Variants in CNTNAP5 observed in about 807,000 individuals in gnomAD.
The protein encoded by CNTNAP5 is contactin-associated protein-like 5.
In CNTNAP5, 72 loss-of-function variants were observed where a neutral mutation model predicts 150.2. The observed-to-expected ratio is 0.48, with a 90% CI of 0.40 to 0.58. CNTNAP5 has a LOEUF of 0.58. Among genes scored for constraint, CNTNAP5 ranks in the 20% least tolerant of loss-of-function variants. The pLI is 0.00. For missense variants in CNTNAP5, 1,636 were observed against 1,626.2 expected, an observed-to-expected ratio of 1.01 and a Z score of -0.10; for synonymous variants, 672 against 619.8, an observed-to-expected ratio of 1.08 and a Z score of -1.25.
chr2:124,184,464 G>A (rs1246009731), intron 1 of CNTNAP5, among the ~76,000 whole-genome samples: 2 of 151,960 alleles, frequency 1.3e-5, no homozygotes, highest in Non-Finnish European at 2.9e-5. Context: ...ATCTTGCATG[G>A]GACATATTTA....
chr2:124,717,592 G>C (rs148687878), intron 13 of CNTNAP5, among the ~76,000 whole-genome samples: 1 of 152,166 alleles, frequency 6.6e-6, no homozygotes, highest in East Asian at 1.9e-4. Context: ...CTCCGATTTA[G>C]TCCATGTGAC....
At chr2:124,069,540 C>T (rs1326828953) in intron 1 of CNTNAP5, among the ~76,000 whole-genome samples, 1 of 151,882 alleles carries the variant, frequency 6.6e-6, no homozygotes, top group Non-Finnish European at 1.5e-5. Context: ...CAAGTGAGAC[C>T]CAGTGCTGTG....
intron 7 of CNTNAP5, among the ~76,000 whole-genome samples, chr2:124,498,509 C>T (rs895260895): frequency 4.6e-5 from 7 of 152,126 alleles, no homozygotes; most frequent in South Asian, 2.1e-4. Flanking sequence ...ATCATGTTGC[C>T]GAGGCAGATC....
intron 18 of CNTNAP5, among the ~76,000 whole-genome samples, chr2:124,791,122 G>C (rs10198988): frequency 6.6e-6 from 1 of 152,078 alleles, no homozygotes; most frequent in South Asian, 2.1e-4. Context: ...GCATATCTTC[G>C]AAGCACCTTT....
rs567735489 is a variant in CNTNAP5, at chr2:124,470,759, G to A, written c.919-3980G>A. On this transcript the variant is annotated intron_variant, in intron 6 of 23. Transcript: ENST00000682447. ...TGATTTTTGTATGTGGTATAAGGAG[G>A]GGGTCCAATTTCAATTTTCTGCATA... Among the ~76,000 whole-genome samples, 61 of 152,128 alleles carry A rather than the reference G, an allele frequency of 4.0e-4. No homozygotes were observed. In the Middle Eastern group the frequency reaches 0.014, roughly 34 times the overall value.
At chr2:124,500,992 A>G (rs559118357) in intron 7 of CNTNAP5, among the ~76,000 whole-genome samples, 1 of 152,214 alleles carries the variant, frequency 6.6e-6, no homozygotes, top group African/African-American at 2.4e-5. Context: ...CTCAGACCCC[A>G]AGGATTTCCT....
chr2:124,569,709 C>T (rs1485656737), intron 11 of CNTNAP5, among the ~76,000 whole-genome samples: 4 of 152,278 alleles, frequency 2.6e-5, no homozygotes, highest in African/African-American at 7.2e-5. Context: ...TAACAATGCC[C>T]TTTAGCTCAT....
chr2:124,523,493 T>C (rs1694896165), intron 8 of CNTNAP5, among the ~76,000 whole-genome samples: 1 of 152,156 alleles, frequency 6.6e-6, no homozygotes, highest in South Asian at 2.1e-4. Flanking sequence ...TGAAACCTCA[T>C]GACTAGTTCC....
intron 18 of CNTNAP5, among the ~76,000 whole-genome samples, chr2:124,791,000 A>C (rs1681714820): frequency 6.6e-6 from 1 of 152,260 alleles, no homozygotes; most frequent in Admixed American, 6.5e-5. Context: ...TGTAAACAAT[A>C]TTTTAAGAGC....
chr2:124,380,773 G>A (rs1234385813), intron 3 of CNTNAP5, among the ~76,000 whole-genome samples: 1 of 152,178 alleles, frequency 6.6e-6, no homozygotes, highest in African/African-American at 2.4e-5. Flanking sequence ...GCAAGGCACT[G>A]TTTTAGACTC....
intron 14 of CNTNAP5, among the ~76,000 whole-genome samples, chr2:124,750,124 A>G (rs1186664640): frequency 2.0e-5 from 3 of 151,820 alleles, no homozygotes; most frequent in Admixed American, 6.6e-5. Context: ...GACCCTTTCC[A>G]TTTCCTTTAG....
At chr2:124,226,681 C>G (rs933786238) in intron 2 of CNTNAP5, among the ~76,000 whole-genome samples, 1 of 151,952 alleles carries the variant, frequency 6.6e-6, no homozygotes, top group Non-Finnish European at 1.5e-5. Context: ...GTTTCTTATA[C>G]AAGAATAGCT....
intron 19 of CNTNAP5, among the ~76,000 whole-genome samples, chr2:124,845,039 C>T (rs972704864): frequency 1.3e-5 from 2 of 152,046 alleles, no homozygotes; most frequent in Non-Finnish European, 2.9e-5. Flanking sequence ...TAAAAGTGGG[C>T]ATCCTTGTCT....
At chr2:124,647,645 G>A (rs1233003019) in intron 12 of CNTNAP5, 113 bp from the exon 13 acceptor site, 1 of 919,318 alleles carries the variant, frequency 1.1e-6, no homozygotes, top group Non-Finnish European at 1.6e-6. Flanking sequence ...TCTCCATACG[G>A]TACCGGAGTG....
chr2:124,662,055 T>C (rs935384889), intron 13 of CNTNAP5, among the ~76,000 whole-genome samples: 1 of 152,094 alleles, frequency 6.6e-6, no homozygotes, highest in Non-Finnish European at 1.5e-5. Context: ...CCTGTGTCCA[T>C]GTGTTCTCAT....
intron 1 of CNTNAP5, among the ~76,000 whole-genome samples, chr2:124,142,243 TCAA>T (rs1261363700): frequency 4.8e-5 from 5 of 105,154 alleles, no homozygotes; most frequent in Non-Finnish European, 1.9e-5. Context: ...AGACAGAAAG[TCAA>T]CAAGGATACC....
chr2:124,351,865 A>C (rs529359308), intron 3 of CNTNAP5, among the ~76,000 whole-genome samples: 1 of 152,316 alleles, frequency 6.6e-6, no homozygotes, highest in East Asian at 1.9e-4. Context: ...ACTGAAGCAA[A>C]AATGCTGAAT....
At chr2:124,836,167 A>G (rs916429599) in intron 19 of CNTNAP5, among the ~76,000 whole-genome samples, 3 of 151,982 alleles carry the variant, frequency 2.0e-5, no homozygotes, top group Admixed American at 6.6e-5. Context: ...TAGTTTTAGG[A>G]AAAAAAATGG....
chr2:124,800,102 A>T (rs1681935463), intron 19 of CNTNAP5, among the ~76,000 whole-genome samples: 1 of 152,222 alleles, frequency 6.6e-6, no homozygotes, highest in African/African-American at 2.4e-5. Flanking sequence ...GGGCGTGCCA[A>T]CGAGGTAATC....
Sources: gnomAD v4.1 joint callset for allele counts (sites outside exome capture counted in the v4.1 genomes callset) on GRCh38, gnomAD v4.1.1 for gene constraint, MANE v1.5 for transcripts, NCBI Gene and HGNC (gene_info 2026-07-23, HGNC 2026-07-21) for gene names.